Variants in PKHD1 observed in about 807,000 individuals in gnomAD.
PKHD1 encodes PKHD1 ciliary IPT domain containing fibrocystin/polyductin, also known as fibrocystin.
A neutral mutation model predicts 412.0 loss-of-function variants in PKHD1; 291 were observed. That is an observed-to-expected ratio of 0.71 (90% CI 0.64 to 0.78). The LOEUF (loss-of-function observed/expected upper bound fraction) is 0.78. Ranked by LOEUF, PKHD1 falls within the 30% of genes least tolerant of loss-of-function variation. PKHD1 has a pLI of 0.00. For missense variants in PKHD1, 4,825 were observed against 4,950.7 expected (o/e 0.97, Z 0.76); for synonymous variants, 1,777 against 1,821.5 (o/e 0.98, Z 0.62).
chr6:51,667,115 G>A lies in PKHD1; in HGVS notation c.10157-7146C>T, dbSNP rs549249320. Among the ~76,000 whole-genome samples the A allele has an allele frequency of 5.7e-3, 840 of 147,214 alleles. 2 individuals are homozygous for A. Among genetic ancestry groups the A allele is most frequent in the Non-Finnish European group, 8.6e-3 (576 of 66,932 alleles). ...TCTAGTTCTAGATCCCTGAGGAATC[G>A]CCACACTGACTTCCACAATGGTTGA... On this transcript the variant is annotated intron_variant, in intron 60 of 66. Coordinates refer to ENST00000371117, the MANE Select transcript of PKHD1 (RefSeq NM_138694.4).
Position 52,082,525 on chromosome 6 carries a change from GA to G in PKHD1, c.147del (p.Leu50PhefsTer14). ...AATTGAGAGCCATTGTTGGGGTAAAGAACACCCAACTCCAAACCTAACACAA... is the reference window on the plus strand; with the variant it reads ...AATTGAGAGCCATTGTTGGGGTAAAGACACCCAACTCCAAACCTAACACAA... ...TVIFDGLELG[V>X]LYPNNGSQLE... On this transcript the variant is annotated frameshift_variant, in exon 4 of 67. Coordinates refer to ENST00000371117, the MANE Select transcript of PKHD1 (RefSeq NM_138694.4). LOFTEE classifies it high-confidence loss of function. 1 of 1,614,022 alleles carries G rather than the reference GA, an allele frequency of 6.2e-7. No homozygotes were observed. The highest frequency in any genetic ancestry group is 8.5e-7 in the Non-Finnish European group (1 of 1,179,928).
At chr6:51,803,993 C>T (rs1030493513) in intron 52 of PKHD1, among the ~76,000 whole-genome samples, 3 of 151,320 alleles carry the variant, frequency 2.0e-5, no homozygotes, top group Non-Finnish European at 2.9e-5. Flanking sequence ...CAGGTGTGAG[C>T]CACCAGGTAA....
intron 1 of PKHD1, among the ~76,000 whole-genome samples, chr6:52,086,104 A>T (rs2397075): frequency 0.98 from 142,488 of 145,986 alleles, 69,634 homozygotes; most frequent in East Asian, 1. Flanking sequence ...ACACACACAC[A>T]AAGTGTGTGT....
chr6:51,787,518 A>G lies in PKHD1; in HGVS notation c.8440+3718T>C, dbSNP rs576596063. On this transcript the variant is annotated intron_variant, in intron 53 of 66. Coordinates refer to ENST00000371117, the MANE Select transcript of PKHD1 (RefSeq NM_138694.4). ...ACTAACTAGTCTTATTATCTGTTTC[A>G]TGTTGGGATTTCTTTAGGATGTGGT... Among the ~76,000 whole-genome samples the G allele has an allele frequency of 5.9e-5, 9 of 152,294 alleles. No homozygotes were observed. The South Asian group carries it at 1.9e-3, about 32-fold the overall frequency.
rs909044104 is a variant in PKHD1 at position 52,079,949 on chromosome 6, T to C, written c.341A>G (p.Gln114Arg). 6.2e-7 allele frequency: 1 copy of C among 1,611,762 alleles called. No individual in the cohort carries two copies. Among genetic ancestry groups the C allele is most frequent in the Non-Finnish European group, 8.5e-7 (1 of 1,177,848 alleles). ...TCCTGGATTTGGACTGCTTACCAGC[T>C]GTCCCCCGAAGTATGCTTCCAGGAA... is the stretch of plus-strand genomic sequence containing the variant. Reference protein sequence around the residue: ...LYFLEAYFGGQLVSSPNPGPR... With the variant: ...LYFLEAYFGGRLVSSPNPGPR... The change falls in exon 5 of 67, where the codon CAG becomes CGG. Residue 114 changes from glutamine to arginine, a missense_variant. Transcript: ENST00000371117.
chr6:52,078,458 C>T (rs17638869), intron 5 of PKHD1, among the ~76,000 whole-genome samples: 63,935 of 151,856 alleles, frequency 0.42, 15,213 homozygotes, highest in Admixed American at 0.57. Flanking sequence ...AACTTGTCAG[C>T]GCCCACAGCA....
At chr6:51,656,726 T>C (rs1328899466) in intron 61 of PKHD1, among the ~76,000 whole-genome samples, 1 of 150,868 alleles carries the variant, frequency 6.6e-6, no homozygotes, top group Non-Finnish European at 1.5e-5. Flanking sequence ...AGTGGCATAA[T>C]CTCAGCTCAT....
At chr6:51,804,374 C>T (rs73740030) in intron 52 of PKHD1, among the ~76,000 whole-genome samples, 2 of 20,240 alleles carry the variant, frequency 9.9e-5, no homozygotes, top group Non-Finnish European at 1.7e-4. Flanking sequence ...GGGGGGGGGG[C>T]GGTAACAGGA....
rs754460782 is a variant in PKHD1 at position 51,870,570 on chromosome 6, A to T, written c.7420T>A (p.Phe2474Ile). Residue 2474 changes from phenylalanine (F) to isoleucine (I), a missense_variant, in exon 47 of 67, where the codon TTT becomes ATT. By Grantham distance (21) the Phe-to-Ile change is conservative (BLOSUM62 0). Coordinates refer to ENST00000371117, the MANE Select transcript of PKHD1 (RefSeq NM_138694.4). ...RWELMVSNTT[F>I]VNFDLINCVA... ...CAGTTGATGAGATCAAAATTAACAAAGGTTGTGTTAGACACCATCAGTTCC... is the reference window on the plus strand; with the variant it reads ...CAGTTGATGAGATCAAAATTAACAATGGTTGTGTTAGACACCATCAGTTCC... 1 of 1,609,242 alleles carries T rather than the reference A, an allele frequency of 6.2e-7. No homozygotes were observed. Among genetic ancestry groups the T allele is most frequent in the South Asian group, 1.1e-5 (1 of 90,970 alleles).
At position 51,659,348 on chromosome 6, in the gene PKHD1, T is replaced by C. The variant is rs910143572; in HGVS notation, c.10778A>G (p.Asn3593Ser). 3 of 1,613,826 alleles carry C rather than the reference T, an allele frequency of 1.9e-6. No homozygotes were observed. The highest frequency in any genetic ancestry group is 2.5e-6 in the Non-Finnish European group (3 of 1,179,872). ...CATCTCGTGAATAAACCTGATTTGG[T>C]TTTGGCCAATCTGTAAGAAGTTAGT... is the stretch of plus-strand genomic sequence containing the variant. ...RLTNFLQIGQ[N>S]QIRFIHEMPG... The change falls in exon 61 of 67, where the codon AAC becomes AGC. Residue 3593 changes from asparagine to serine, a missense_variant. By Grantham distance (46) the Asn-to-Ser change is conservative (BLOSUM62 1). Transcript: ENST00000371117.
intron 63 of PKHD1, 144 bp downstream of exon 63, chr6:51,647,887 A>T: frequency 1.5e-6 from 1 of 672,670 alleles, no homozygotes; most frequent in Non-Finnish European, 2.7e-6. Context: ...CTGACACTGT[A>T]GATTAGGGAT....
intron 65 of PKHD1, among the ~76,000 whole-genome samples, chr6:51,632,142 C>A (rs1038144587): frequency 6.6e-6 from 1 of 151,956 alleles, no homozygotes; most frequent in African/African-American, 2.4e-5. Flanking sequence ...CAGGGTTTCA[C>A]CATGTTGGCC....
chr6:51,648,114 C>T lies in PKHD1; in HGVS notation c.11315G>A (p.Arg3772Gln), dbSNP rs759404490. 5.1e-6 allele frequency: 8 copies of T among 1,583,532 alleles called. No homozygotes were observed. The highest frequency in any genetic ancestry group is 1.3e-5 in the African/African-American group (1 of 74,280). ...PQLVFLDEQNRRVESLGPPSE... is the reference protein window; with the variant it reads ...PQLVFLDEQNQRVESLGPPSE... The stretch of plus-strand genomic sequence containing the variant: ...AGGAGGTCCCAGGGACTCTACTCTT[C>T]GATTCTAGAAATGGGAATAGGAGGA... Residue 3772 changes from arginine (R) to glutamine (Q), a missense_variant, in exon 63 of 67, where the codon CGA (arginine) becomes CAA (glutamine). Transcript: ENST00000371117.
At chr6:51,805,805 G>A (rs1562351878) in intron 52 of PKHD1, among the ~76,000 whole-genome samples, 1 of 152,124 alleles carries the variant, frequency 6.6e-6, no homozygotes. Context: ...AGCACAGCAG[G>A]AGAAGAATAA....
chr6:51,786,994 CTA>C (rs1348254819), intron 53 of PKHD1, among the ~76,000 whole-genome samples: 1 of 152,208 alleles, frequency 6.6e-6, no homozygotes, highest in Non-Finnish European at 1.5e-5. Flanking sequence ...AGCTTCCTTT[CTA>C]ATTCTAGCAT....
chr6:51,634,743 A>G (rs190487191), intron 64 of PKHD1, among the ~76,000 whole-genome samples: 209 of 152,330 alleles, frequency 1.4e-3, no homozygotes, highest in Middle Eastern at 3.4e-3. Flanking sequence ...GTGCAAATAC[A>G]TAAACAAAGA....
chr6:52,016,924 G>T (rs1800630027), intron 34 of PKHD1, among the ~76,000 whole-genome samples: 1 of 152,108 alleles, frequency 6.6e-6, no homozygotes, highest in Admixed American at 6.5e-5. Flanking sequence ...ATACGCTTAT[G>T]GCTTCTAAAT....
rs1777589104 is a variant in PKHD1, at chr6:51,882,817, GTAA to G, written c.7350+273_7350+275del. Reference sequence around the variant, plus strand: ...TTCATGATTTGACCTCTTACTATGAGTAATAATTCTAAATTGCAACCAAATAAA... The same window carrying G: ...TTCATGATTTGACCTCTTACTATGAGTAATTCTAAATTGCAACCAAATAAA... On this transcript the variant is annotated intron_variant, in intron 46 of 66. Transcript: ENST00000371117. Among the ~76,000 whole-genome samples the G allele has an allele frequency of 1.3e-5, 2 of 152,146 alleles. 1 individual carries two copies. Among genetic ancestry groups the G allele is most frequent in the South Asian group, 4.1e-4 (2 of 4,836 alleles).
At chr6:51,784,242 G>C (rs1348189507) in intron 53 of PKHD1, among the ~76,000 whole-genome samples, 1 of 142,536 alleles carries the variant, frequency 7.0e-6, no homozygotes, top group Non-Finnish European at 1.5e-5. Context: ...GCTTCATATA[G>C]GTTGGTGCAA....
Sources: gnomAD v4.1 joint callset for allele counts (sites outside exome capture counted in the v4.1 genomes callset) on GRCh38, gnomAD v4.1.1 for gene constraint, MANE v1.5 for transcripts, NCBI Gene and HGNC (gene_info 2026-07-23, HGNC 2026-07-21) for gene names.